The following CCDC144A variants were observed in gnomAD, a reference collection of about 807,000 sequenced individuals.
CCDC144A encodes coiled-coil domain containing 144A.
In CCDC144A, 41 loss-of-function variants were observed where a neutral mutation model predicts 143.8. That is an observed-to-expected ratio of 0.29 (90% CI 0.22 to 0.37). The LOEUF (loss-of-function observed/expected upper bound fraction) is 0.37, where lower values mean the gene tolerates loss of function less well. Among genes scored for constraint, CCDC144A ranks in the 10% least tolerant of loss-of-function variants. The pLI is 1.00. For missense variants in CCDC144A, 637 were observed against 1,488.8 expected (o/e 0.43, Z 9.41); for synonymous variants, 242 against 517.9 (o/e 0.47, Z 7.23).
At chr17:16,673,928 A>G in the CCDC144A span, among the ~76,000 whole-genome samples, 1 of 152,124 alleles carries the variant, frequency 6.6e-6, no homozygotes, top group Admixed American at 6.5e-5. Context: ...TTAAGTGAAA[A>G]ATTAAATATT....
At chr17:16,714,655 T>A (rs1056462085) in intron 6 of CCDC144A, among the ~76,000 whole-genome samples, 2 of 152,004 alleles carry the variant, frequency 1.3e-5, no homozygotes, top group African/African-American at 2.4e-5. Flanking sequence ...TTTTTTTTTT[T>A]AAAGAAACCT....
rs1372423521 is a variant in CCDC144A at position 16,711,935 on chromosome 17, A to G, written c.1715+120A>G. 3.7e-6 allele frequency: 4 copies of G among 1,089,708 alleles called. No homozygotes were observed. The Admixed American group carries it at 9.2e-5, about 25-fold the overall frequency. The allele number at this position is 1,089,708 out of a possible 1,614,324, so 67.5% of individuals were successfully genotyped here. On this transcript the variant is annotated intron_variant, in intron 6 of 16. Transcript: ENST00000399273. ...CACCTGAGGTCAGGAGTTCAAGACC[A>G]GCCTGACCAACATGGATAAACCCCA... is the stretch of plus-strand genomic sequence containing the variant.
intron 8 of CCDC144A, among the ~76,000 whole-genome samples, chr17:16,725,638 G>A (rs1029768896): frequency 6.6e-6 from 1 of 151,498 alleles, no homozygotes. Flanking sequence ...AAGAGTGGGA[G>A]GGGGGTGAGG....
chr17:16,667,301 G>A, the CCDC144A span, among the ~76,000 whole-genome samples: 1 of 150,888 alleles, frequency 6.6e-6, no homozygotes, highest in Non-Finnish European at 1.5e-5. Context: ...AGGCGGCTGA[G>A]GCGGCTGAGG....
At position 16,726,509 on chromosome 17, in the gene CCDC144A, A is replaced by G. The variant is rs4792772; in HGVS notation, c.1892-1018A>G. ...GCTTGATCTTTCTGATCTTGCTTTT[A>G]TGATTTGGTCTAATTTCCTGCTCCT... On this transcript the variant is annotated intron_variant, in intron 8 of 16. Transcript: ENST00000399273. 2.8e-3 allele frequency among the ~76,000 whole-genome samples: 423 copies of G among 150,758 alleles called. 5 individuals carry two copies. The highest frequency in any genetic ancestry group is 9.8e-3 in the African/African-American group (399 of 40,810).
intron 8 of CCDC144A, among the ~76,000 whole-genome samples, chr17:16,720,901 G>A (rs1315698218): frequency 6.6e-6 from 1 of 151,974 alleles, no homozygotes; most frequent in Non-Finnish European, 1.5e-5. Context: ...CCCAATGTCA[G>A]GTTACCATTT....
chr17:16,708,706 G>A (rs1219135512), intron 4 of CCDC144A, 90 bp from the exon 5 acceptor site: 33 of 1,515,048 alleles, frequency 2.2e-5, no homozygotes, highest in Non-Finnish European at 2.6e-5. Context: ...GTTATTTAAG[G>A]ACAAAGCTAT....
intron 12 of CCDC144A, among the ~76,000 whole-genome samples, chr17:16,737,014 G>C (rs1351348449): frequency 2.6e-5 from 4 of 151,322 alleles, no homozygotes; most frequent in African/African-American, 9.7e-5. Flanking sequence ...TATTGCCTAA[G>C]TTAACAGAAA....
chr17:16,722,275 AC>A (rs1341365567), intron 8 of CCDC144A, among the ~76,000 whole-genome samples: 1 of 151,946 alleles, frequency 6.6e-6, no homozygotes, highest in Non-Finnish European at 1.5e-5. Context: ...TTAGGGATAA[AC>A]CCCACTTGTT....
chr17:16,716,365 C>CT (rs889947496), intron 6 of CCDC144A, among the ~76,000 whole-genome samples: 11 of 151,886 alleles, frequency 7.2e-5, no homozygotes, highest in African/African-American at 1.9e-4. Flanking sequence ...TAGTGATATT[C>CT]TTTTTTTTAT....
Position 16,732,758 on chromosome 17 carries a change from T to C in CCDC144A, c.2418+92T>C. On this transcript the variant is annotated intron_variant, in intron 11 of 16. Transcript: ENST00000399273. ...GCAACTTGGAAAGTACAATGGATTT[T>C]TGAACTACACACACACACACACACA... The C allele has an allele frequency of 3.4e-6, 3 of 895,224 alleles. No homozygotes were observed. The South Asian group carries it at 5.2e-5, about 16-fold the overall frequency. The allele number at this position is 895,224 out of a possible 1,614,324, so 55.5% of individuals were successfully genotyped here. A position where few individuals can be genotyped will look rare whatever the true frequency, so the allele number is the denominator to read the frequency against.
chr17:16,703,576 G>A (rs1383477907), intron 2 of CCDC144A, among the ~76,000 whole-genome samples: 1 of 152,260 alleles, frequency 6.6e-6, no homozygotes, highest in East Asian at 1.9e-4. Context: ...AGGCCAAGGC[G>A]GGCGGATTAC....
chr17:16,689,185 C>T (rs1226850291), upstream of CCDC144A, among the ~76,000 whole-genome samples: 1 of 151,354 alleles, frequency 6.6e-6, no homozygotes, highest in Admixed American at 6.6e-5. Flanking sequence ...TTGCTTCGTT[C>T]TCTCCTTCCT....
intron 2 of CCDC144A, among the ~76,000 whole-genome samples, chr17:16,695,763 G>A (rs1416080292): frequency 6.6e-6 from 1 of 151,846 alleles, no homozygotes; most frequent in Non-Finnish European, 1.5e-5. Context: ...GACACTTTAT[G>A]TGGTGAGGAA....
intron 5 of CCDC144A, among the ~76,000 whole-genome samples, chr17:16,711,136 G>GAAAAAAAAAAAA (rs1210697273): frequency 1.6e-3 from 35 of 21,762 alleles, no homozygotes; most frequent in Non-Finnish European, 2.2e-3. Flanking sequence ...GGATTCAAAT[G>GAAAAAAAAAAAA]AAAAAAAAAA....
Position 16,708,863 on chromosome 17 carries a change from T to G in CCDC144A, c.806T>G (p.Leu269Arg), listed in dbSNP as rs748969154. The G allele has an allele frequency of 1.2e-6, 2 of 1,611,840 alleles. No individual in the cohort carries two copies. The highest frequency in any genetic ancestry group is 1.7e-6 in the Non-Finnish European group (2 of 1,179,768). Reference sequence around the variant, plus strand: ...GAGGATATACCTATATATCCAGTACTTCCTCATGTGCAAAAATCTGAGGAA... The same window carrying G: ...GAGGATATACCTATATATCCAGTACGTCCTCATGTGCAAAAATCTGAGGAA... ...DREDIPIYPV[L>R]PHVQKSEEMW... Residue 269 changes from leucine (L) to arginine (R), a missense_variant, in exon 5 of 17, where the codon CTT (leucine) becomes CGT (arginine). Coordinates refer to ENST00000399273, the MANE Select transcript of CCDC144A (RefSeq NM_001382000.1).
chr17:16,721,169 T>C (rs988013982), intron 8 of CCDC144A, among the ~76,000 whole-genome samples: 7 of 151,952 alleles, frequency 4.6e-5, no homozygotes, highest in African/African-American at 1.4e-4. Context: ...GTGTCTTATA[T>C]GTTTGTTCCA....
chr17:16,761,278 G>A, intron 12 of CCDC144A, 147 bp from the exon 13 acceptor site: 1 of 1,333,440 alleles, frequency 7.5e-7, no homozygotes, highest in Non-Finnish European at 9.9e-7. Flanking sequence ...AGCTTGTAGT[G>A]AGCCGAGATC....
At chr17:16,712,575 G>C (rs2143140484) in intron 6 of CCDC144A, among the ~76,000 whole-genome samples, 1 of 151,898 alleles carries the variant, frequency 6.6e-6, no homozygotes, top group Admixed American at 6.6e-5. Context: ...TAGGCTAATA[G>C]GTTAAATATA....
Sources: allele counts gnomAD v4.1 joint callset (sites outside exome capture counted in the v4.1 genomes callset), GRCh38; gene constraint gnomAD v4.1.1; transcripts MANE v1.5; gene names NCBI Gene and HGNC (gene_info 2026-07-23, HGNC 2026-07-21).